The following GNG2 variants were observed in gnomAD, a reference collection of about 807,000 sequenced individuals.
GNG2 encodes G protein subunit gamma 2.
In GNG2, 5 loss-of-function variants were observed where a neutral mutation model predicts 5.5. The ratio of observed to expected loss-of-function variants is 0.91; its 90% confidence interval spans 0.48 to 1.92. The LOEUF (loss-of-function observed/expected upper bound fraction) is 1.92, where lower values mean the gene tolerates loss of function less well. GNG2 is among the 30% of genes most tolerant of loss of function. GNG2 has a pLI of 0.01. For synonymous variants in GNG2, 28 were observed against 32.0 expected, an observed-to-expected ratio of 0.88 and a Z score of 0.42; for missense variants, 55 against 88.4, an observed-to-expected ratio of 0.62 and a Z score of 1.52.
intron 1 of GNG2, among the ~76,000 whole-genome samples, chr14:51,826,777 A>C (rs543362877): frequency 6.6e-6 from 1 of 152,356 alleles, no homozygotes; most frequent in Admixed American, 6.5e-5. Context: ...TGAAGAGTTC[A>C]AAAGGGTGAA....
chr14:51,863,508 CT>C (rs962130712), intron 1 of GNG2, among the ~76,000 whole-genome samples: 5 of 152,102 alleles, frequency 3.3e-5, no homozygotes, highest in Admixed American at 1.3e-4. Context: ...TTTAGGGAGA[CT>C]TTTTTTATAG....
intron 2 of GNG2, among the ~76,000 whole-genome samples, chr14:51,903,644 T>C (rs1366552772): frequency 6.6e-6 from 1 of 152,182 alleles, no homozygotes; most frequent in Non-Finnish European, 1.5e-5. Flanking sequence ...TTTCTGGAGT[T>C]TTTCAATTCT....
At chr14:51,957,886 T>C (rs1294800437) in intron 3 of GNG2, among the ~76,000 whole-genome samples, 2 of 152,188 alleles carry the variant, frequency 1.3e-5, no homozygotes, top group African/African-American at 2.4e-5. Flanking sequence ...TAACAAAACT[T>C]TGGCATTAAT....
At chr14:51,890,905 G>GGGAGATACAC (rs58819134) in intron 2 of GNG2, among the ~76,000 whole-genome samples, 1 of 151,938 alleles carries the variant, frequency 6.6e-6, no homozygotes, top group African/African-American at 2.4e-5. Context: ...CATGGTATAT[G>GGGAGATACAC]AAATTGAGTA....
chr14:51,916,539 A>G, intron 2 of GNG2: 1 of 450,946 alleles, frequency 2.2e-6, no homozygotes, highest in Admixed American at 2.4e-5. Flanking sequence ...AAATTAATCC[A>G]ATTAAACTTC....
intron 2 of GNG2, among the ~76,000 whole-genome samples, chr14:51,934,342 G>A (rs1348005076): frequency 6.6e-6 from 1 of 152,072 alleles, no homozygotes; most frequent in Admixed American, 6.5e-5. Flanking sequence ...AACCAACTGG[G>A]GTCTTCGAGC....
intron 2 of GNG2, among the ~76,000 whole-genome samples, chr14:51,910,516 G>T (rs576963783): frequency 6.6e-6 from 1 of 152,366 alleles, no homozygotes; most frequent in African/African-American, 2.4e-5. Flanking sequence ...CAGCCACTGG[G>T]CAGGAAGCGA....
At chr14:51,889,144 G>A (rs1182281735) in intron 2 of GNG2, among the ~76,000 whole-genome samples, 3 of 140,196 alleles carry the variant, frequency 2.1e-5, no homozygotes, top group South Asian at 2.3e-4. Context: ...ATGGAGTCTC[G>A]CTCTGTCGCC....
chr14:51,950,651 G>A lies in GNG2; in HGVS notation c.-28G>A. ...TCTTCTTTTTGTTTTCTTTTCTAGTGTTTCTGAAAGATCTATCCAGCACTC... is the reference window on the plus strand; with the variant it reads ...TCTTCTTTTTGTTTTCTTTTCTAGTATTTCTGAAAGATCTATCCAGCACTC... On this transcript the variant is annotated splice_region_variant and 5_prime_UTR_variant, in exon 3 of 4. Coordinates refer to ENST00000556766, the MANE Select transcript of GNG2 (RefSeq NM_053064.5). The A allele has an allele frequency of 6.4e-7, 1 of 1,551,384 alleles. No homozygotes were observed. Among genetic ancestry groups the A allele is most frequent in the Non-Finnish European group, 8.9e-7 (1 of 1,129,548 alleles).
At chr14:51,859,848 T>C (rs1398142060), upstream of GNG2, among the ~76,000 whole-genome samples, 1 of 152,116 alleles carries the variant, frequency 6.6e-6, no homozygotes, top group Non-Finnish European at 1.5e-5. Context: ...AGTTTCTCTG[T>C]TGGGAATGTG....
At chr14:51,843,753 T>C (rs1186356115) in intron 2 of GNG2, among the ~76,000 whole-genome samples, 1 of 152,190 alleles carries the variant, frequency 6.6e-6, no homozygotes, top group Non-Finnish European at 1.5e-5. Context: ...TCCATTTTGA[T>C]TGAATTGCCA....
At chr14:51,920,898 T>C (rs953567031) in intron 2 of GNG2, among the ~76,000 whole-genome samples, 6 of 152,162 alleles carry the variant, frequency 3.9e-5, no homozygotes, top group Non-Finnish European at 8.8e-5. Flanking sequence ...CTGAGTTCTT[T>C]GGGTGGGGTG....
chr14:51,829,497 C>A lies in GNG2; in HGVS notation c.64+1690C>A, dbSNP rs764942360. ...GGGTACTCACGTGTCAACCCCCATC[C>A]TGGCTAAACCCAACTCATCTCCTAC... On this transcript the variant is annotated intron_variant, in intron 2 of 3. Transcript: ENST00000553432. Among the ~76,000 whole-genome samples, 3 of 152,168 alleles carry A rather than the reference C, an allele frequency of 2.0e-5. No individual in the cohort carries two copies. The East Asian group carries it at 5.8e-4, about 29-fold the overall frequency.
chr14:51,845,088 A>C (rs1417364556), intron 2 of GNG2, among the ~76,000 whole-genome samples: 3 of 152,250 alleles, frequency 2.0e-5, no homozygotes, highest in Non-Finnish European at 4.4e-5. Context: ...TAGATAAAAA[A>C]CACTGAATTT....
At chr14:51,945,694 A>G (rs920940378) in intron 2 of GNG2, among the ~76,000 whole-genome samples, 2 of 152,168 alleles carry the variant, frequency 1.3e-5, no homozygotes, top group African/African-American at 4.8e-5. Flanking sequence ...TATATTGTGC[A>G]TTTTATCACA....
At chr14:51,948,651 C>CT (rs1430180933) in intron 2 of GNG2, among the ~76,000 whole-genome samples, 2 of 152,184 alleles carry the variant, frequency 1.3e-5, no homozygotes, top group African/African-American at 4.8e-5. Flanking sequence ...GATTGGGTCT[C>CT]TAACCATGCT....
rs370788740 is a variant in GNG2 at position 51,845,040 on chromosome 14, T to A, written c.64+17233T>A. 3.4e-4 allele frequency among the ~76,000 whole-genome samples: 52 copies of A among 152,338 alleles called. 2 individuals are homozygous for A. In the South Asian group the frequency reaches 9.8e-3, roughly 29 times the overall value. ...ATGCCCAGCCCTCCTGCCACAATTTTTATTGAAACAACTTGGTGCTCTTGC... is the reference window on the plus strand; with the variant it reads ...ATGCCCAGCCCTCCTGCCACAATTTATATTGAAACAACTTGGTGCTCTTGC... On this transcript the variant is annotated intron_variant, in intron 2 of 3. Coordinates refer to the GNG2 transcript ENST00000553432.
chr14:51,943,049 C>T (rs758902195), intron 2 of GNG2, among the ~76,000 whole-genome samples: 27 of 152,274 alleles, frequency 1.8e-4, no homozygotes, highest in Non-Finnish European at 2.5e-4. Context: ...TTTACCTCTG[C>T]CCCATCAACT....
chr14:51,871,697 G>A (rs1883308843), intron 1 of GNG2, among the ~76,000 whole-genome samples: 1 of 152,134 alleles, frequency 6.6e-6, no homozygotes, highest in African/African-American at 2.4e-5. Flanking sequence ...TTCTATCCAA[G>A]GGATTTGCAC....
Sources: allele counts gnomAD v4.1 joint callset (sites outside exome capture counted in the v4.1 genomes callset), GRCh38; gene constraint gnomAD v4.1.1; transcripts MANE v1.5; gene names NCBI Gene and HGNC (gene_info 2026-07-23, HGNC 2026-07-21).